The following TSC2 variants were observed in gnomAD, a reference collection of about 807,000 sequenced individuals.
TSC2 encodes TSC complex subunit 2.
A neutral mutation model predicts 202.2 loss-of-function variants in TSC2; 29 were observed. The ratio of observed to expected loss-of-function variants is 0.14; its 90% CI spans 0.11 to 0.20. The LOEUF is 0.20. TSC2 is among the 10% of genes least tolerant of loss of function. The pLI, the probability that TSC2 is intolerant of heterozygous loss-of-function variation, is 1.00. For missense variants in TSC2, 2,429 were observed against 2,420.0 expected, an observed-to-expected ratio of 1.00 and a Z score of -0.08; for synonymous variants, 1,349 against 1,044.0, an observed-to-expected ratio of 1.29 and a Z score of -5.63.
rs559598336 is a variant in TSC2 at position 2,075,675 on chromosome 16, G to A, written c.2546-124G>A. ...GGCCAGGGTCGGGAAAGCCACGTCC[G>A]TGTGGCCGTGGCCTTCTCTCCTCTG... On this transcript the variant is annotated intron_variant, in intron 22 of 41. Coordinates refer to ENST00000219476, the MANE Select transcript of TSC2 (RefSeq NM_000548.5). The A allele has an allele frequency of 2.0e-4, 201 of 999,312 alleles. 1 individual carries two copies. The Admixed American group carries it at 2.8e-3, about 14-fold the overall frequency. The allele number at this position is 999,312 out of a possible 1,614,324, so 61.9% of individuals were successfully genotyped here.
chr16:2,081,362 C>T lies in TSC2; in HGVS notation c.3611-233C>T, dbSNP rs2090122121. On this transcript the variant is annotated intron_variant, in intron 30 of 41. Transcript: ENST00000219476. ...TGGGTCCGGACTGTGAGGCTGTGGGCTGGAGGCCGCTGCTCTGAGGTGCCT... is the reference window on the plus strand; with the variant it reads ...TGGGTCCGGACTGTGAGGCTGTGGGTTGGAGGCCGCTGCTCTGAGGTGCCT... 5.0e-6 allele frequency: 3 copies of T among 596,244 alleles called. No homozygotes were observed. In the South Asian group the frequency reaches 5.7e-5, roughly 11 times the overall value. 36.9% of individuals were successfully genotyped at this position (596,244 alleles called of 1,614,324 possible).
chr16:2,088,859 G>A lies in TSC2; in HGVS notation c.*249G>A, dbSNP rs1012190291. 1.4e-5 allele frequency: 8 copies of A among 553,458 alleles called. No homozygotes were observed. Among genetic ancestry groups the A allele is most frequent in the South Asian group, 1.2e-4 (6 of 49,258 alleles). 34.3% of individuals were successfully genotyped at this position (553,458 alleles called of 1,614,324 possible). A position where few individuals can be genotyped will look rare whatever the true frequency, so the allele number is the denominator to read the frequency against. On this transcript the variant is annotated 3_prime_UTR_variant, in exon 42 of 42. Coordinates refer to ENST00000219476, the MANE Select transcript of TSC2 (RefSeq NM_000548.5). ...GCCTTGAGGCTGCCTGGGCCATACA[G>A]CACACTCGCGCGTGCGCGCGCGCAC...
intron 18 of TSC2, 54 bp from the exon 19 acceptor site, chr16:2,071,730 T>G: frequency 6.3e-7 from 1 of 1,596,494 alleles, no homozygotes; most frequent in Non-Finnish European, 8.5e-7. Flanking sequence ...GAGCCAAGTC[T>G]GTTCCGTTCC....
At chr16:2,066,619 C>T (rs1159902899) in intron 16 of TSC2, among the ~76,000 whole-genome samples, 1 of 151,332 alleles carries the variant, frequency 6.6e-6, no homozygotes, top group African/African-American at 2.4e-5. Flanking sequence ...ATTTTCCATC[C>T]ACTCGAGCAG....
At position 2,054,350 on chromosome 16, in the gene TSC2, C is replaced by A. The variant is rs777398393; in HGVS notation, c.391C>A (p.Pro131Thr). The change falls in exon 5 of 42, where the codon CCT becomes ACT. Residue 131 changes from proline (P) to threonine (T), a missense_variant. Physicochemically the swap from Pro to Thr is conservative, Grantham distance 38 (BLOSUM62 -1). Coordinates refer to ENST00000219476, the MANE Select transcript of TSC2 (RefSeq NM_000548.5). ...CTTCTTTAAGGTCATCAAGGATTAC[C>A]CTTCCAACGAAGACCTTCACGAAAG... ...ALFFKVIKDY[P>T]SNEDLHERLE... is the part of the protein sequence containing the mutation. 1 of 1,614,184 alleles carries A rather than the reference C, an allele frequency of 6.2e-7. No individual in the cohort carries two copies. The highest frequency in any genetic ancestry group is 8.5e-7 in the Non-Finnish European group (1 of 1,180,036).
At chr16:2,082,326 C>T in intron 31 of TSC2, 110 bp from the exon 32 acceptor site, 1 of 1,327,798 alleles carries the variant, frequency 7.5e-7, no homozygotes, top group Admixed American at 1.7e-5. Context: ...CCCCTGCCGG[C>T]CGCTGGCCCT....
intron 25 of TSC2, chr16:2,077,359 G>A (rs905725303): frequency 6.6e-6 from 4 of 602,972 alleles, no homozygotes; most frequent in South Asian, 1.8e-5. Context: ...GGTGTCATGC[G>A]TGAAGCCTTA....
chr16:2,056,384 C>A, intron 7 of TSC2, 140 bp downstream of exon 7: 1 of 1,270,832 alleles, frequency 7.9e-7, no homozygotes, highest in Non-Finnish European at 1.1e-6. Context: ...CCTCAGGAGT[C>A]CCCCATGTAA....
At chr16:2,061,693 C>T in intron 11 of TSC2, 178 bp from the exon 12 acceptor site, 1 of 1,040,734 alleles carries the variant, frequency 9.6e-7, no homozygotes, top group Non-Finnish European at 1.4e-6. Flanking sequence ...CTGGGGGTGT[C>T]TCAACCCATG....
rs1266509754 is a variant in TSC2 at position 2,080,227 on chromosome 16, A to G, written c.3460A>G (p.Thr1154Ala). Residue 1154 changes from threonine (T) to alanine (A), a missense_variant, in exon 30 of 42, where the codon ACT (threonine) becomes GCT (alanine). Thr to Ala is a moderately conservative substitution (Grantham distance 58). Transcript: ENST00000219476. ...VPASQFLGSA[T>A]SPGPRTAPAA... ...GGCCTCCCAGTTCCTGGGCAGTGCCACTTCTCCAGGACCACGGACTGCACC... is the reference window on the plus strand; with the variant it reads ...GGCCTCCCAGTTCCTGGGCAGTGCCGCTTCTCCAGGACCACGGACTGCACC... 6 of 1,612,960 alleles carry G rather than the reference A, an allele frequency of 3.7e-6. No homozygotes were observed. Among genetic ancestry groups the G allele is most frequent in the Non-Finnish European group, 4.2e-6 (5 of 1,180,010 alleles).
chr16:2,054,187 G>C, intron 4 of TSC2, 109 bp from the exon 5 acceptor site: 1 of 1,560,274 alleles, frequency 6.4e-7, no homozygotes. Context: ...CTGTGGGAAG[G>C]AGAGGGGTCC....
At chr16:2,072,063 C>G in intron 19 of TSC2, 129 bp downstream of exon 19, 1 of 1,479,106 alleles carries the variant, frequency 6.8e-7, no homozygotes, top group Non-Finnish European at 9.0e-7. Context: ...GCTGAGCCTT[C>G]CCCCTTCCCC....
chr16:2,050,816 T>G (rs1005640150), intron 3 of TSC2, among the ~76,000 whole-genome samples: 4 of 151,594 alleles, frequency 2.6e-5, no homozygotes, highest in Non-Finnish European at 5.9e-5. Context: ...CTTGAACTCC[T>G]GACCTCGTGA....
At chr16:2,083,497 G>A (rs555526298) in intron 32 of TSC2, 198 bp from the exon 33 acceptor site, 1 of 891,618 alleles carries the variant, frequency 1.1e-6, no homozygotes, top group South Asian at 1.4e-5. Flanking sequence ...ATGCAGGAGA[G>A]GCCTGTGTCG....
At chr16:2,064,635 G>A in intron 15 of TSC2, 1 of 752,858 alleles carries the variant, frequency 1.3e-6, no homozygotes, top group South Asian at 1.7e-5. Context: ...CTGGACATGG[G>A]TGTCCTGTCA....
intron 10 of TSC2, 21 bp from the exon 11 acceptor site, chr16:2,060,649 C>G (rs1192037522): frequency 6.2e-6 from 10 of 1,613,748 alleles, no homozygotes; most frequent in Non-Finnish European, 8.5e-6. Flanking sequence ...ACCCTGTGTG[C>G]TGGCCGGGCT....
chr16:2,049,595 C>A (rs979905788), intron 2 of TSC2, among the ~76,000 whole-genome samples: 1 of 151,628 alleles, frequency 6.6e-6, no homozygotes, highest in Non-Finnish European at 1.5e-5. Context: ...GAGGCCGAGG[C>A]GGGTGGATCA....
chr16:2,061,680 G>A (rs1247337914), intron 11 of TSC2, 191 bp from the exon 12 acceptor site: 2 of 896,854 alleles, frequency 2.2e-6, no homozygotes, highest in East Asian at 2.7e-5. Flanking sequence ...CCCTGGAGAG[G>A]ATCTGGGGGT....
chr16:2,081,178 C>T (rs2090096852), intron 30 of TSC2: 3 of 327,546 alleles, frequency 9.2e-6, no homozygotes, highest in Non-Finnish European at 1.8e-5. Flanking sequence ...AACATGGGGG[C>T]ACAGCTCAGC....
Sources: gnomAD v4.1 joint callset for allele counts (sites outside exome capture counted in the v4.1 genomes callset) on GRCh38, gnomAD v4.1.1 for gene constraint, MANE v1.5 for transcripts, NCBI Gene and HGNC (gene_info 2026-07-23, HGNC 2026-07-21) for gene names.